DNAJC15: variants seen among roughly 807,000 people sequenced by gnomAD.
DNAJC15 encodes the protein DnaJ heat shock protein family (Hsp40) member C15.
In DNAJC15, 27 loss-of-function variants were observed where a neutral mutation model predicts 22.4. That is an observed-to-expected ratio of 1.20 (90% CI 0.89 to 1.66). DNAJC15 has a LOEUF of 1.66. Ranked by LOEUF, DNAJC15 falls within the 40% of genes most tolerant of loss-of-function variation. The pLI is 0.00. For synonymous variants in DNAJC15, 79 were observed against 63.2 expected (o/e 1.25, Z -1.19); for missense variants, 208 against 187.1 (o/e 1.11, Z -0.65).
intron 1 of DNAJC15, among the ~76,000 whole-genome samples, chr13:43,033,615 G>A (rs1250582945): frequency 2.0e-5 from 3 of 152,102 alleles, no homozygotes; most frequent in African/African-American, 7.2e-5. Flanking sequence ...TGATGACCTT[G>A]ACAGGTTTGA....
chr13:43,066,267 T>C (rs1485632808), intron 2 of DNAJC15, among the ~76,000 whole-genome samples: 2 of 152,176 alleles, frequency 1.3e-5, no homozygotes, highest in African/African-American at 4.8e-5. Context: ...TTTCTTTTTT[T>C]TGGAATGGGC....
intron 5 of DNAJC15, among the ~76,000 whole-genome samples, chr13:43,100,556 G>A (rs1197312781): frequency 6.6e-6 from 1 of 152,144 alleles, no homozygotes; most frequent in East Asian, 1.9e-4. Flanking sequence ...AAATTTCTCT[G>A]CACTGCTATC....
chr13:43,109,510 C>T lies in DNAJC15; in HGVS notation c.*2262C>T, dbSNP rs1381840614. On this transcript the variant is annotated 3_prime_UTR_variant, in exon 6 of 6. Coordinates refer to ENST00000379221, the MANE Select transcript of DNAJC15 (RefSeq NM_013238.3). ...TGATGTCATATTTTCCTAATCCATA[C>T]TTTATTCATGAGAATTTGAGTCACC... 6.6e-6 allele frequency: 1 copy of T among 152,206 alleles called. No homozygotes were observed. 9.4% of individuals were successfully genotyped at this position (152,206 alleles called of 1,614,324 possible). A position where few individuals can be genotyped will look rare whatever the true frequency, so the allele number is the denominator to read the frequency against.
chr13:43,082,102 G>A (rs2040664689), intron 4 of DNAJC15, among the ~76,000 whole-genome samples: 1 of 151,956 alleles, frequency 6.6e-6, no homozygotes, highest in Admixed American at 6.6e-5. Context: ...AGGGGATTAT[G>A]GGAGCTATAA....
chr13:43,073,389 T>A (rs1057399113), intron 3 of DNAJC15, among the ~76,000 whole-genome samples: 4 of 152,192 alleles, frequency 2.6e-5, no homozygotes, highest in African/African-American at 9.7e-5. Flanking sequence ...TGAAATGGGA[T>A]CTGCTGGTAT....
Position 43,108,911 on chromosome 13 carries a change from A to G in DNAJC15, c.*1663A>G, listed in dbSNP as rs2040811719. On this transcript the variant is annotated 3_prime_UTR_variant, in exon 6 of 6. Transcript: ENST00000379221. Reference sequence around the variant, plus strand: ...ATATTTCTTGCTTTAAAGTCCCCATACGTGTCCTACTAATTTTCTCATGCT... The same window carrying G: ...ATATTTCTTGCTTTAAAGTCCCCATGCGTGTCCTACTAATTTTCTCATGCT... The G allele has an allele frequency of 6.6e-6, 1 of 152,190 alleles. No homozygotes were observed. Among genetic ancestry groups the G allele is most frequent in the South Asian group, 2.1e-4 (1 of 4,828 alleles). The allele number at this position is 152,190 out of a possible 1,614,324, so 9.4% of individuals were successfully genotyped here. A position where few individuals can be genotyped will look rare whatever the true frequency, so the allele number is the denominator to read the frequency against.
intron 5 of DNAJC15, among the ~76,000 whole-genome samples, chr13:43,090,845 C>A (rs946240995): frequency 6.6e-6 from 1 of 151,488 alleles, no homozygotes; most frequent in Non-Finnish European, 1.5e-5. Context: ...GTAGCTGGAA[C>A]TACAGGCGCC....
intron 2 of DNAJC15, among the ~76,000 whole-genome samples, chr13:43,068,177 A>G (rs1210615782): frequency 6.6e-6 from 1 of 152,138 alleles, no homozygotes; most frequent in Admixed American, 6.5e-5. Flanking sequence ...GGAGAAAGAG[A>G]TACTAGTAGA....
At chr13:43,095,946 G>T (rs1046884927) in intron 5 of DNAJC15, among the ~76,000 whole-genome samples, 3 of 152,090 alleles carry the variant, frequency 2.0e-5, no homozygotes, top group African/African-American at 7.2e-5. Context: ...AAGAGGAGGA[G>T]AGAAATGGAA....
At chr13:43,029,975 C>T (rs567633070) in intron 1 of DNAJC15, among the ~76,000 whole-genome samples, 19 of 150,054 alleles carry the variant, frequency 1.3e-4, no homozygotes, top group African/African-American at 3.7e-4. Context: ...GAATGATGAA[C>T]GGACAGCCTT....
chr13:43,103,477 C>T (rs1446907570), intron 5 of DNAJC15, among the ~76,000 whole-genome samples: 1 of 152,190 alleles, frequency 6.6e-6, no homozygotes, highest in African/African-American at 2.4e-5. Flanking sequence ...TGTAAGTCAA[C>T]ATTCATCCAT....
rs548637258 is a variant in DNAJC15, at chr13:43,109,664, C to T, written c.*2416C>T. 6.6e-6 allele frequency: 1 copy of T among 151,882 alleles called. No individual in the cohort carries two copies. Among genetic ancestry groups the T allele is most frequent in the Middle Eastern group, 3.4e-3 (1 of 294 alleles). The allele number at this position is 151,882 out of a possible 1,614,324, so 9.4% of individuals were successfully genotyped here. On this transcript the variant is annotated 3_prime_UTR_variant, in exon 6 of 6. Transcript: ENST00000379221. ...TTACTTAATTTTCTAGTCAATAACC[C>T]GTATCTATAAAATAGAGAAAATAAT... is the stretch of plus-strand genomic sequence containing the variant.
rs2040836760 is a variant in DNAJC15, at chr13:43,114,105, C to CT, written c.*6858dup. ...GCACTACAATTAAATAAATAAAATG[C>CT]TGTTGTGTTTGTTTTGCTTTAAAAT... On this transcript the variant is annotated 3_prime_UTR_variant, in exon 6 of 6. Transcript: ENST00000379221. 1 of 152,054 alleles carries CT rather than the reference C, an allele frequency of 6.6e-6. No individual in the cohort carries two copies. Among genetic ancestry groups the CT allele is most frequent in the African/African-American group, 2.4e-5 (1 of 41,410 alleles). 9.4% of individuals were successfully genotyped at this position (152,054 alleles called of 1,614,324 possible).
chr13:43,052,523 T>C (rs2040510203), intron 1 of DNAJC15, among the ~76,000 whole-genome samples: 1 of 152,050 alleles, frequency 6.6e-6, no homozygotes, highest in Non-Finnish European at 1.5e-5. Flanking sequence ...GTTCAAGCGA[T>C]TCTCCTGCCT....
At position 43,110,649 on chromosome 13, in the gene DNAJC15, A is replaced by G. The variant is rs2040820324; in HGVS notation, c.*3401A>G. On this transcript the variant is annotated 3_prime_UTR_variant, in exon 6 of 6. Transcript: ENST00000379221. Reference sequence around the variant, plus strand: ...CAGATCTCCACAACTATACCTACATAGTAGAAGGTTAAAATGTATCCCTCT... The same window carrying G: ...CAGATCTCCACAACTATACCTACATGGTAGAAGGTTAAAATGTATCCCTCT... 1 of 152,340 alleles carries G rather than the reference A, an allele frequency of 6.6e-6. No individual in the cohort carries two copies. The highest frequency in any genetic ancestry group is 2.1e-4 in the South Asian group (1 of 4,824). 9.4% of individuals were successfully genotyped at this position (152,340 alleles called of 1,614,324 possible).
intron 5 of DNAJC15, among the ~76,000 whole-genome samples, chr13:43,095,254 A>C (rs2040734110): frequency 6.6e-6 from 1 of 152,216 alleles, no homozygotes; most frequent in Non-Finnish European, 1.5e-5. Flanking sequence ...TAGAAACAGA[A>C]GCAACAGTTA....
At chr13:43,085,513 A>G (rs969395929) in intron 4 of DNAJC15, among the ~76,000 whole-genome samples, 7 of 152,052 alleles carry the variant, frequency 4.6e-5, no homozygotes, top group African/African-American at 9.7e-5. Context: ...CCCCTAACCT[A>G]TATGTTGTTT....
chr13:43,087,454 T>A (rs181379025), intron 5 of DNAJC15, among the ~76,000 whole-genome samples: 4 of 152,326 alleles, frequency 2.6e-5, no homozygotes, highest in African/African-American at 9.6e-5. Flanking sequence ...TTGTTTTCAA[T>A]GGGAAGCTAA....
chr13:43,040,498 G>A (rs2040448374), intron 1 of DNAJC15, among the ~76,000 whole-genome samples: 1 of 152,170 alleles, frequency 6.6e-6, no homozygotes, highest in Non-Finnish European at 1.5e-5. Context: ...TCTAATCTGT[G>A]TTTAAAATAT....
Sources: gnomAD v4.1 joint callset for allele counts (sites outside exome capture counted in the v4.1 genomes callset) on GRCh38, gnomAD v4.1.1 for gene constraint, MANE v1.5 for transcripts, NCBI Gene and HGNC (gene_info 2026-07-23, HGNC 2026-07-21) for gene names.